NAA11: variants seen among roughly 807,000 people sequenced by gnomAD.
NAA11 encodes N-alpha-acetyltransferase 11, NatA catalytic subunit, also known as N-alpha-acetyltransferase 11.
In NAA11, 15 loss-of-function variants were observed where a neutral mutation model predicts 16.1. The observed-to-expected ratio is 0.93, with a 90% CI of 0.62 to 1.44. The LOEUF (loss-of-function observed/expected upper bound fraction) is 1.44, where lower values mean the gene tolerates loss of function less well. NAA11 is among the 40% of genes most tolerant of loss of function. The pLI is 0.00. For missense variants in NAA11, 298 were observed against 291.3 expected, an observed-to-expected ratio of 1.02 and a Z score of -0.17; for synonymous variants, 122 against 112.4, an observed-to-expected ratio of 1.09 and a Z score of -0.54.
the NAA11 span, among the ~76,000 whole-genome samples, chr4:79,158,721 A>ATATATATATATATATATATATATATG: frequency 2.7e-5 from 4 of 146,968 alleles, no homozygotes; most frequent in Non-Finnish European, 3.0e-5. Context: ...ATATATATAT[A>ATATATATATATATATATATATATATG]TGGCTATAGT....
the NAA11 span, among the ~76,000 whole-genome samples, chr4:79,205,574 T>C: frequency 1.3e-5 from 2 of 152,104 alleles, no homozygotes; most frequent in African/African-American, 4.8e-5. Context: ...ATATTTACTC[T>C]GTTGATTATT....
chr4:79,319,211 A>T (rs1482371654), intron 1 of NAA11, among the ~76,000 whole-genome samples: 1 of 152,186 alleles, frequency 6.6e-6, no homozygotes, highest in Non-Finnish European at 1.5e-5. Context: ...TACAGGCATG[A>T]GCCGCTGTGC....
At chr4:79,291,764 T>A (rs984612873) in intron 2 of NAA11, among the ~76,000 whole-genome samples, 2 of 151,850 alleles carry the variant, frequency 1.3e-5, no homozygotes, top group African/African-American at 4.8e-5. Context: ...TAAAAAAAAA[T>A]CTAGTAGGCA....
the NAA11 span, among the ~76,000 whole-genome samples, chr4:79,179,954 C>A: frequency 2.0e-5 from 3 of 152,088 alleles, no homozygotes; most frequent in Admixed American, 2.0e-4. Context: ...GAAGAAGTGC[C>A]AAGTGAAGGG....
At chr4:79,322,488 T>G (rs564994187) in intron 1 of NAA11, among the ~76,000 whole-genome samples, 32 of 81,794 alleles carry the variant, frequency 3.9e-4, no homozygotes, top group African/African-American at 5.7e-4. Flanking sequence ...GTTTTATAGG[T>G]GTGTGTGTGT....
the NAA11 span, among the ~76,000 whole-genome samples, chr4:79,163,586 T>C: frequency 6.6e-6 from 1 of 152,188 alleles, no homozygotes; most frequent in South Asian, 2.1e-4. Context: ...AATAGAATGC[T>C]GACTGACACA....
chr4:79,248,498 A>G lies in NAA11; in HGVS notation c.*123-22228T>C, dbSNP rs540727764. Among the ~76,000 whole-genome samples the G allele has an allele frequency of 2.6e-5, 4 of 152,206 alleles. No homozygotes were observed. In the South Asian group the frequency reaches 8.3e-4, roughly 32 times the overall value. On this transcript the variant is annotated intron_variant and NMD_transcript_variant, in intron 2 of 2. Coordinates refer to the NAA11 transcript ENST00000511542. ...CACCATTGACAACATAGATGCACAT[A>G]AGACCAGCAGCCCTGCCTGCCATTC...
chr4:79,240,468 A>AG (rs1459912751), intron 2 of NAA11, among the ~76,000 whole-genome samples: 1 of 152,212 alleles, frequency 6.6e-6, no homozygotes, highest in Non-Finnish European at 1.5e-5. Context: ...TGGAAATCAA[A>AG]GGGTAGGATT....
chr4:79,325,854 T>C lies in NAA11; in HGVS notation c.24A>G (p.Pro8=), dbSNP rs777942222. The C allele has an allele frequency of 1.9e-6, 3 of 1,612,284 alleles. No homozygotes were observed. The South Asian group carries it at 3.3e-5, about 18-fold the overall frequency. Residue 8 remains proline (P), a synonymous_variant, in exon 1 of 2, where the codon CCA becomes CCG. Transcript: ENST00000286794. ...AGTGTTGCATATTCATCAGGTCGTC[T>C]GGCTGAGCGTTGCGGATGTTCATAA... MNIRNAQ[P]DDLMNMQHCN...
the NAA11 span, among the ~76,000 whole-genome samples, chr4:79,208,246 C>T: frequency 1.3e-5 from 2 of 152,094 alleles, no homozygotes; most frequent in Non-Finnish European, 2.9e-5. Context: ...CATTTAAACT[C>T]TATAAGCCTC....
chr4:79,315,422 A>G (rs1479308211), downstream of NAA11, among the ~76,000 whole-genome samples: 1 of 152,132 alleles, frequency 6.6e-6, no homozygotes, highest in African/African-American at 2.4e-5. Flanking sequence ...CAAAGGGAAA[A>G]CCACACAGAC....
chr4:79,252,078 C>G (rs1238847455), intron 2 of NAA11, among the ~76,000 whole-genome samples: 5 of 152,156 alleles, frequency 3.3e-5, no homozygotes, highest in Non-Finnish European at 5.9e-5. Context: ...AGTGAAATAA[C>G]TCATAAACAA....
chr4:79,225,049 A>C (rs1398440450), downstream of NAA11, among the ~76,000 whole-genome samples: 1 of 152,048 alleles, frequency 6.6e-6, no homozygotes, highest in Non-Finnish European at 1.5e-5. Context: ...GGATCCTGGA[A>C]TAGTGAGAGG....
At chr4:79,195,217 C>T in the NAA11 span, among the ~76,000 whole-genome samples, 1 of 151,920 alleles carries the variant, frequency 6.6e-6, no homozygotes, top group South Asian at 2.1e-4. Context: ...ATAAACAGAG[C>T]CTACAGAATT....
intron 2 of NAA11, among the ~76,000 whole-genome samples, chr4:79,285,890 A>G (rs770966899): frequency 6.6e-6 from 1 of 152,062 alleles, no homozygotes; most frequent in Non-Finnish European, 1.5e-5. Context: ...ATCCTTAGGC[A>G]TTCAAATATT....
At chr4:79,295,970 T>G (rs1447245218) in intron 1 of NAA11, among the ~76,000 whole-genome samples, 1 of 152,218 alleles carries the variant, frequency 6.6e-6, no homozygotes, top group Admixed American at 6.5e-5. Flanking sequence ...GTTGTTTATA[T>G]TCATTCTTGA....
At chr4:79,202,480 T>C in the NAA11 span, among the ~76,000 whole-genome samples, 2 of 148,560 alleles carry the variant, frequency 1.3e-5, no homozygotes, top group Admixed American at 6.8e-5. Flanking sequence ...GTGGAGTTCA[T>C]CTTCTGAAAG....
At chr4:79,177,326 C>A in the NAA11 span, among the ~76,000 whole-genome samples, 1 of 151,752 alleles carries the variant, frequency 6.6e-6, no homozygotes, top group South Asian at 2.1e-4. Flanking sequence ...CGGTGTCTCC[C>A]CTGTTAACTT....
At chr4:79,178,586 C>G in the NAA11 span, among the ~76,000 whole-genome samples, 1 of 152,172 alleles carries the variant, frequency 6.6e-6, no homozygotes, top group Non-Finnish European at 1.5e-5. Context: ...GTGTTAGATA[C>G]TATGAATATC....
Sources: gnomAD v4.1 joint callset for allele counts (sites outside exome capture counted in the v4.1 genomes callset) on GRCh38, gnomAD v4.1.1 for gene constraint, MANE v1.5 for transcripts, NCBI Gene and HGNC (gene_info 2026-07-23, HGNC 2026-07-21) for gene names.